DBI: variants seen among roughly 807,000 people sequenced by gnomAD.
DBI encodes the protein diazepam binding inhibitor, acyl-CoA binding protein.
Under a neutral mutation model 13.0 loss-of-function variants are expected in DBI, and 12 were observed. The ratio of observed to expected loss-of-function variants is 0.92; its 90% confidence interval spans 0.59 to 1.49. The LOEUF is 1.49. Among genes scored for constraint, DBI ranks in the 40% most tolerant of loss-of-function variants. DBI has a pLI of 0.00. For synonymous variants in DBI, 37 were observed against 37.4 expected, an observed-to-expected ratio of 0.99 and a Z score of 0.04; for missense variants, 95 against 104.8, an observed-to-expected ratio of 0.91 and a Z score of 0.41.
At position 119,367,044 on chromosome 2, in the gene DBI, C is replaced by A. The variant is rs375206897; in HGVS notation, c.-8C>A. On this transcript the variant is annotated 5_prime_UTR_variant, in exon 1 of 4. Coordinates refer to ENST00000355857, the MANE Select transcript of DBI (RefSeq NM_001079862.4). ...CTGTCTCCCTGGAGTTCTTGCAAGT[C>A]GGCCAGGATGTCTCAGGTACAGCGC... is the stretch of plus-strand genomic sequence containing the variant. The A allele has an allele frequency of 6.2e-6, 10 of 1,613,964 alleles. No individual in the cohort carries two copies. The highest frequency in any genetic ancestry group is 8.5e-6 in the Non-Finnish European group (10 of 1,180,018).
chr2:119,368,085 A>T, intron 1 of DBI, 103 bp from the exon 2 acceptor site: 1 of 1,483,782 alleles, frequency 6.7e-7, no homozygotes, highest in South Asian at 1.1e-5. Flanking sequence ...CACCTTTCCC[A>T]CCTCTCCATC....
chr2:119,367,782 C>A (rs759098691), intron 1 of DBI: 1 of 1,609,382 alleles, frequency 6.2e-7, no homozygotes, highest in Admixed American at 1.7e-5. Context: ...GCCAGGGCTT[C>A]GCTGCAGCCC....
At chr2:119,367,161 C>A in intron 1 of DBI, 101 bp downstream of exon 1, 6 of 1,559,644 alleles carry the variant, frequency 3.8e-6, no homozygotes, top group Non-Finnish European at 4.3e-6. Flanking sequence ...TCCTTCCGTG[C>A]CCCTCACTTG....
intron 2 of DBI, 23 bp downstream of exon 2, chr2:119,368,328 G>A: frequency 6.4e-7 from 1 of 1,569,968 alleles, no homozygotes; most frequent in African/African-American, 1.3e-5. Flanking sequence ...GGGGTTGGAA[G>A]GGCATCTGCT....
intron 1 of DBI, chr2:119,367,621 G>A (rs1410572109): frequency 6.2e-6 from 10 of 1,614,008 alleles, no homozygotes; most frequent in African/African-American, 2.7e-5. Flanking sequence ...GCCTGCCTCT[G>A]CCAATCCGGG....
chr2:119,369,734 C>T (rs932358878), intron 2 of DBI, among the ~76,000 whole-genome samples: 2 of 151,910 alleles, frequency 1.3e-5, no homozygotes, highest in African/African-American at 2.4e-5. Flanking sequence ...TGTGGTGAGC[C>T]GAGGTCGCAC....
intron 2 of DBI, chr2:119,368,740 A>G (rs969205195): frequency 1.8e-5 from 3 of 171,300 alleles, no homozygotes; most frequent in East Asian, 3.0e-4. Context: ...GGGCTAGGTC[A>G]GAGCATTTCG....
intron 2 of DBI, among the ~76,000 whole-genome samples, chr2:119,369,891 T>A (rs1221056085): frequency 6.6e-6 from 1 of 152,214 alleles, no homozygotes; most frequent in Non-Finnish European, 1.5e-5. Flanking sequence ...GTACTTGGTG[T>A]GGCAAGTGGC....
At position 119,372,349 on chromosome 2, in the gene DBI, T is replaced by C; in HGVS notation, c.*31T>C. ...TGGATTTGGTTACTGTGCCATGTGTTTATCCTAAACTGAGACAATGCCTTG... is the reference window on the plus strand; with the variant it reads ...TGGATTTGGTTACTGTGCCATGTGTCTATCCTAAACTGAGACAATGCCTTG... On this transcript the variant is annotated 3_prime_UTR_variant, in exon 4 of 4. Coordinates refer to ENST00000355857, the MANE Select transcript of DBI (RefSeq NM_001079862.4). The C allele has an allele frequency of 6.5e-7, 1 of 1,537,318 alleles. No homozygotes were observed. The highest frequency in any genetic ancestry group is 9.0e-7 in the Non-Finnish European group (1 of 1,110,346).
intron 3 of DBI, among the ~76,000 whole-genome samples, chr2:119,371,433 T>A (rs1681508819): frequency 6.6e-6 from 1 of 152,190 alleles, no homozygotes; most frequent in Admixed American, 6.5e-5. Flanking sequence ...CTTCTGCGAA[T>A]GAGAAACCCT....
At chr2:119,370,433 A>AT (rs3835892) in intron 2 of DBI, 15,194 of 202,622 alleles carry the variant, frequency 0.075, 660 homozygotes, top group African/African-American at 0.13. Context: ...ATATGAATGG[A>AT]TTTTTTTTTT....
At chr2:119,371,155 C>T (rs780709679) in intron 3 of DBI, among the ~76,000 whole-genome samples, 1 of 152,148 alleles carries the variant, frequency 6.6e-6, no homozygotes, top group African/African-American at 2.4e-5. Flanking sequence ...CAAGGCCAGG[C>T]GGTGACCCCC....
intron 1 of DBI, chr2:119,367,273 G>A: frequency 1.2e-5 from 17 of 1,437,824 alleles, no homozygotes; most frequent in Non-Finnish European, 1.5e-5. Flanking sequence ...GCAACTGCCG[G>A]AAAGTTGCCC....
At position 119,366,991 on chromosome 2, in the gene DBI, G is replaced by A. The variant is rs2104672408; in HGVS notation, c.-61G>A. The A allele has an allele frequency of 2.5e-6, 4 of 1,610,072 alleles. 1 individual carries two copies. Among genetic ancestry groups the A allele is most frequent in the Middle Eastern group, 3.3e-4 (2 of 6,044 alleles). On this transcript the variant is annotated 5_prime_UTR_variant, in exon 1 of 4. Transcript: ENST00000355857. ...AGGCGCTTGCCAGTGCAATCTGGGC[G>A]ATCGCTTCCTGGTCCTCGCCTCCTC...
Position 119,368,269 on chromosome 2 carries a change from C to G in DBI, c.91C>G (p.His31Asp). The G allele has an allele frequency of 6.2e-7, 1 of 1,614,038 alleles. No homozygotes were observed. The highest frequency in any genetic ancestry group is 8.5e-7 in the Non-Finnish European group (1 of 1,179,954). The change falls in exon 2 of 4, where the codon CAC becomes GAC. Residue 31 changes from histidine (H) to aspartate (D), a missense_variant. By Grantham distance (81) the His-to-Asp change is moderately conservative. Transcript: ENST00000355857. The stretch of plus-strand genomic sequence containing the variant: ...TGAGGAGATGCTGTTCATCTATGGC[C>G]ACTACAAACAAGCAACTGTGGGCGA... ...SDEEMLFIYGHYKQATVGDIN... is the reference protein window; with the variant it reads ...SDEEMLFIYGDYKQATVGDIN...
intron 1 of DBI, chr2:119,367,572 C>T (rs1341101068): frequency 5.0e-6 from 8 of 1,613,942 alleles, no homozygotes; most frequent in Non-Finnish European, 6.8e-6. Flanking sequence ...AGACCCTTGT[C>T]TGAGACCGAG....
chr2:119,368,013 G>C lies in DBI; in HGVS notation c.10-175G>C, dbSNP rs532154381. The C allele has an allele frequency of 3.7e-6, 6 of 1,603,184 alleles. No individual in the cohort carries two copies. The African/African-American group carries it at 8.0e-5, about 21-fold the overall frequency. ...CTTCTTGTGTTGCTGAATCTTTCTAGCTGCCCTGTTGGGGCAGGGAGGGGC... is the reference window on the plus strand; with the variant it reads ...CTTCTTGTGTTGCTGAATCTTTCTACCTGCCCTGTTGGGGCAGGGAGGGGC... On this transcript the variant is annotated intron_variant, in intron 1 of 3. Coordinates refer to ENST00000355857, the MANE Select transcript of DBI (RefSeq NM_001079862.4).
intron 1 of DBI, chr2:119,367,271 C>T: frequency 7.0e-7 from 1 of 1,436,900 alleles, no homozygotes; most frequent in South Asian, 1.5e-5. Flanking sequence ...CCGCAACTGC[C>T]GGAAAGTTGC....
chr2:119,371,918 C>T (rs1681543176), intron 3 of DBI, among the ~76,000 whole-genome samples: 1 of 152,214 alleles, frequency 6.6e-6, no homozygotes, highest in Admixed American at 6.5e-5. Flanking sequence ...ACCACGATGA[C>T]AGTTTCCTAC....
Sources: gnomAD v4.1 joint callset for allele counts (sites outside exome capture counted in the v4.1 genomes callset) on GRCh38, gnomAD v4.1.1 for gene constraint, MANE v1.5 for transcripts, NCBI Gene and HGNC (gene_info 2026-07-23, HGNC 2026-07-21) for gene names.